The following PLD5 variants were observed in gnomAD, a reference collection of about 807,000 sequenced individuals.
The protein encoded by PLD5 is phospholipase D family member 5.
In PLD5, 36 loss-of-function variants were observed where a neutral mutation model predicts 61.1. The ratio of observed to expected loss-of-function variants is 0.59; its 90% confidence interval spans 0.45 to 0.78. PLD5 has a LOEUF of 0.78. Ranked by LOEUF, PLD5 falls within the 30% of genes least tolerant of loss-of-function variation. The probability of loss-of-function intolerance (pLI) is 0.00; values close to 1 mark genes in which losing one functional copy is unlikely to be tolerated. For missense variants in PLD5, 515 were observed against 644.4 expected (o/e 0.80, Z 2.17); for synonymous variants, 243 against 242.8 (o/e 1.00, Z -0.01).
At chr1:242,199,004 G>A (rs1668822567) in intron 5 of PLD5, among the ~76,000 whole-genome samples, 1 of 152,158 alleles carries the variant, frequency 6.6e-6, no homozygotes, top group South Asian at 2.1e-4. Context: ...AAAGTGTTGG[G>A]ATTATAGGCA....
chr1:242,509,284 C>CAGG (rs1416410330), intron 1 of PLD5, among the ~76,000 whole-genome samples: 1 of 151,844 alleles, frequency 6.6e-6, no homozygotes, highest in African/African-American at 2.4e-5. Flanking sequence ...GAGGCTGAGG[C>CAGG]AGGAGAATTG....
At chr1:242,293,158 G>A (rs1048899952) in intron 2 of PLD5, among the ~76,000 whole-genome samples, 1 of 152,182 alleles carries the variant, frequency 6.6e-6, no homozygotes, top group African/African-American at 2.4e-5. Context: ...AGAGAATAGA[G>A]TCAAAGCCAA....
chr1:242,163,827 G>A (rs763662024), intron 5 of PLD5, among the ~76,000 whole-genome samples: 7 of 152,078 alleles, frequency 4.6e-5, no homozygotes, highest in Admixed American at 3.3e-4. Flanking sequence ...AGGGAGAGAC[G>A]GGTAACAAGG....
intron 1 of PLD5, among the ~76,000 whole-genome samples, chr1:242,487,029 G>A (rs564578860): frequency 7.2e-5 from 11 of 151,958 alleles, no homozygotes; most frequent in East Asian, 3.9e-4. Flanking sequence ...CATGGACACC[G>A]GAAGGGGAAC....
intron 3 of PLD5, among the ~76,000 whole-genome samples, chr1:242,268,548 C>T (rs1673854544): frequency 6.6e-6 from 1 of 152,130 alleles, no homozygotes; most frequent in Non-Finnish European, 1.5e-5. Flanking sequence ...TACTGGCAGA[C>T]TGTCATTAAA....
chr1:242,382,950 T>C (rs1015608643), intron 1 of PLD5, among the ~76,000 whole-genome samples: 1 of 152,192 alleles, frequency 6.6e-6, no homozygotes, highest in African/African-American at 2.4e-5. Context: ...AAAAATCATT[T>C]CTCTTAGATT....
At chr1:242,142,720 C>CTT (rs10638766) in intron 5 of PLD5, among the ~76,000 whole-genome samples, 84,866 of 149,904 alleles carry the variant, frequency 0.57, 23,973 homozygotes, top group African/African-American at 0.64. Context: ...GTCTTTCTCT[C>CTT]TCTCTCTCTC....
chr1:242,156,075 T>G (rs1322217442), intron 5 of PLD5, among the ~76,000 whole-genome samples: 1 of 152,210 alleles, frequency 6.6e-6, no homozygotes, highest in East Asian at 1.9e-4. Context: ...TAGCTCTTCT[T>G]GTTGCATTGA....
chr1:242,187,325 A>G (rs1399872461), intron 5 of PLD5, among the ~76,000 whole-genome samples: 1 of 152,198 alleles, frequency 6.6e-6, no homozygotes, highest in African/African-American at 2.4e-5. Context: ...CAACATGAGG[A>G]TAAAGGCAGA....
intron 6 of PLD5, among the ~76,000 whole-genome samples, chr1:242,120,505 G>A (rs1430314950): frequency 6.6e-6 from 1 of 152,082 alleles, no homozygotes; most frequent in Admixed American, 6.6e-5. Context: ...TTACGTCTCT[G>A]TAAGGCTGTT....
chr1:242,310,292 C>T (rs1847094), intron 2 of PLD5, among the ~76,000 whole-genome samples: 1 of 152,060 alleles, frequency 6.6e-6, no homozygotes, highest in African/African-American at 2.4e-5. Context: ...GTGTACAGAC[C>T]GCCTGTGACT....
chr1:242,527,151 G>A (rs1669468100), upstream of PLD5, among the ~76,000 whole-genome samples: 1 of 51,378 alleles, frequency 1.9e-5, no homozygotes, highest in Non-Finnish European at 3.7e-5. Flanking sequence ...TTTTTTTTGA[G>A]ATGGAGTCTT....
chr1:242,192,561 GA>G (rs543114998), intron 5 of PLD5, among the ~76,000 whole-genome samples: 1 of 151,588 alleles, frequency 6.6e-6, no homozygotes, highest in Admixed American at 6.6e-5. Context: ...GCATGTTTGG[GA>G]AAAAAAACAT....
intron 1 of PLD5, among the ~76,000 whole-genome samples, chr1:242,492,896 C>T (rs1462323354): frequency 1.3e-5 from 2 of 152,084 alleles, no homozygotes; most frequent in African/African-American, 4.8e-5. Flanking sequence ...GAGTGCCACC[C>T]TCATGACCTA....
chr1:242,372,183 T>C (rs1661675279), intron 1 of PLD5, among the ~76,000 whole-genome samples: 1 of 152,176 alleles, frequency 6.6e-6, no homozygotes, highest in Non-Finnish European at 1.5e-5. Flanking sequence ...ATCATTATTA[T>C]TTTTTAAATT....
chr1:242,152,642 G>A lies in PLD5; in HGVS notation c.736-27977C>T, dbSNP rs1574403763. ...GTTCTTGTGTTAGTTTGTTGAGAAT[G>A]ATGGTTTCCAGCTTCATCCATGTGC... is the stretch of plus-strand genomic sequence containing the variant. On this transcript the variant is annotated intron_variant, in intron 5 of 9. Transcript: ENST00000536534. 9.9e-5 allele frequency among the ~76,000 whole-genome samples: 15 copies of A among 152,244 alleles called. No homozygotes were observed. In the South Asian group the frequency reaches 3.1e-3, roughly 32 times the overall value.
At chr1:242,381,533 T>G (rs79411172) in intron 1 of PLD5, among the ~76,000 whole-genome samples, 1 of 152,160 alleles carries the variant, frequency 6.6e-6, no homozygotes, top group East Asian at 1.9e-4. Flanking sequence ...ATCCTGGACA[T>G]GTACCCTGGA....
Position 242,106,252 on chromosome 1 carries a change from G to A in PLD5, c.1239+1419C>T, listed in dbSNP as rs537107188. 5.9e-5 allele frequency among the ~76,000 whole-genome samples: 9 copies of A among 152,232 alleles called. No homozygotes were observed. The South Asian group carries it at 1.0e-3, about 18-fold the overall frequency. Reference sequence around the variant, plus strand: ...TTGGTGTGTGGTGGGGAATTGTTACGGTTTTATTTTAGTTTTTACATTGAC... The same window carrying A: ...TTGGTGTGTGGTGGGGAATTGTTACAGTTTTATTTTAGTTTTTACATTGAC... On this transcript the variant is annotated intron_variant, in intron 8 of 9. Coordinates refer to ENST00000536534, the MANE Select transcript of PLD5 (RefSeq NM_001372062.1).
intron 1 of PLD5, among the ~76,000 whole-genome samples, chr1:242,439,252 G>C (rs894864603): frequency 6.6e-6 from 1 of 152,210 alleles, no homozygotes; most frequent in East Asian, 1.9e-4. Context: ...AGGAGCCGGG[G>C]AAGGGGGCTT....
Sources: gnomAD v4.1 joint callset for allele counts (sites outside exome capture counted in the v4.1 genomes callset) on GRCh38, gnomAD v4.1.1 for gene constraint, MANE v1.5 for transcripts, NCBI Gene and HGNC (gene_info 2026-07-23, HGNC 2026-07-21) for gene names.